Variants in COL26A1 observed in about 807,000 individuals in gnomAD.
COL26A1 encodes the protein collagen type XXVI alpha 1 chain.
A neutral mutation model predicts 59.3 loss-of-function variants in COL26A1; 41 were observed. The observed-to-expected ratio is 0.69, with a 90% CI of 0.54 to 0.90. The LOEUF (loss-of-function observed/expected upper bound fraction) is 0.90, where lower values mean the gene tolerates loss of function less well. COL26A1 is among the 40% of genes least tolerant of loss of function. COL26A1 has a pLI of 0.00. For missense variants in COL26A1, 612 were observed against 602.3 expected, an observed-to-expected ratio of 1.02 and a Z score of -0.17; for synonymous variants, 266 against 256.0, an observed-to-expected ratio of 1.04 and a Z score of -0.37.
chr7:101,393,178 A>G (rs1220662281), intron 1 of COL26A1, among the ~76,000 whole-genome samples: 4 of 151,908 alleles, frequency 2.6e-5, no homozygotes, highest in Admixed American at 6.6e-5. Context: ...ATTCTTTTGT[A>G]ATTTTAGTAC....
chr7:101,398,947 G>C (rs1002209729), intron 1 of COL26A1, among the ~76,000 whole-genome samples: 1 of 152,120 alleles, frequency 6.6e-6, no homozygotes, highest in Admixed American at 6.6e-5. Flanking sequence ...GTGAGCCCCT[G>C]GGTGGGCTGC....
At chr7:101,492,917 G>A (rs1297231955) in intron 3 of COL26A1, among the ~76,000 whole-genome samples, 1 of 151,326 alleles carries the variant, frequency 6.6e-6, no homozygotes, top group Admixed American at 6.6e-5. Context: ...TTTTTGATAG[G>A]GGTCTTGCTG....
At chr7:101,394,069 C>T (rs112540283) in intron 1 of COL26A1, among the ~76,000 whole-genome samples, 188 of 151,864 alleles carry the variant, frequency 1.2e-3, no homozygotes, top group African/African-American at 4.0e-3. Context: ...TGAGCCACTG[C>T]GCCTGGCTGG....
At chr7:101,545,698 G>A (rs1795721936) in intron 7 of COL26A1, among the ~76,000 whole-genome samples, 1 of 152,216 alleles carries the variant, frequency 6.6e-6, no homozygotes, top group South Asian at 2.1e-4. Flanking sequence ...AACAGCTTGG[G>A]AGCAAGGCTT....
chr7:101,366,969 T>C (rs935707749), intron 1 of COL26A1, among the ~76,000 whole-genome samples: 17 of 152,224 alleles, frequency 1.1e-4, no homozygotes, highest in African/African-American at 4.1e-4. Flanking sequence ...TTCTCTGCGA[T>C]GTCCACGTAC....
Position 101,530,566 on chromosome 7 carries a change from T to TAAAAA in COL26A1, c.386-2495_386-2491dup, listed in dbSNP as rs558473831. On this transcript the variant is annotated intron_variant, in intron 3 of 12. Transcript: ENST00000313669. ...GGTGACAAGAGTGAGACTCTGTCTT[T>TAAAAA]AAAAAAAAAAAAAAAAAAAAAAAAA... Among the ~76,000 whole-genome samples the TAAAAA allele has an allele frequency of 7.9e-3, 709 of 90,204 alleles. 10 individuals are homozygous for TAAAAA. The highest frequency in any genetic ancestry group is 0.014 in the Middle Eastern group (2 of 144). 59.2% of individuals were successfully genotyped at this position (90,204 alleles called of 152,430 possible).
At chr7:101,446,991 C>A (rs1793213399) in intron 2 of COL26A1, among the ~76,000 whole-genome samples, 1 of 151,880 alleles carries the variant, frequency 6.6e-6, no homozygotes, top group Admixed American at 6.6e-5. Context: ...TGGGTAGAGG[C>A]TCGGAAGTTG....
In COL26A1 at chr7:101,387,765, TATATATATA is replaced by T. The variant is rs1231725715; in HGVS notation, c.158+24576_158+24584del. Among the ~76,000 whole-genome samples the T allele has an allele frequency of 8.5e-3, 416 of 49,086 alleles. 2 individuals carry two copies. Among genetic ancestry groups the T allele is most frequent in the South Asian group, 0.033 (44 of 1,316 alleles). 32.2% of individuals were successfully genotyped at this position (49,086 alleles called of 152,430 possible). On this transcript the variant is annotated intron_variant, in intron 1 of 12. Transcript: ENST00000313669. ...ATATATATATATATTTATATATATA[TATATATATA>T]TATATTTTTTTTTAAGACAGAGTCT...
chr7:101,496,737 A>T (rs4568541), intron 3 of COL26A1, among the ~76,000 whole-genome samples: 150,605 of 152,178 alleles, frequency 0.99, 74,526 homozygotes, highest in Middle Eastern at 1. Context: ...AATACAAAAA[A>T]TTCCCAGGCG....
intron 1 of COL26A1, among the ~76,000 whole-genome samples, chr7:101,397,585 G>A (rs1331201595): frequency 7.1e-6 from 1 of 141,202 alleles, no homozygotes; most frequent in Non-Finnish European, 1.5e-5. Context: ...CACCCAGGGT[G>A]ATGTGCAATG....
chr7:101,404,009 G>T (rs374689488), intron 1 of COL26A1, among the ~76,000 whole-genome samples: 134 of 152,188 alleles, frequency 8.8e-4, no homozygotes, highest in African/African-American at 3.0e-3. Context: ...CAGGAGAATC[G>T]CTTGAACCAG....
At chr7:101,393,733 C>T (rs963013540) in intron 1 of COL26A1, among the ~76,000 whole-genome samples, 1 of 151,908 alleles carries the variant, frequency 6.6e-6, no homozygotes, top group African/African-American at 2.4e-5. Context: ...AGGTGTGAGC[C>T]ACTGTGCCTG....
chr7:101,545,395 C>T lies in COL26A1; in HGVS notation c.761C>T (p.Pro254Leu), dbSNP rs1226368635. 1.2e-6 allele frequency: 2 copies of T among 1,602,670 alleles called. No homozygotes were observed. Among genetic ancestry groups the T allele is most frequent in the African/African-American group, 1.3e-5 (1 of 74,350 alleles). The part of the protein sequence containing the change: ...GLPGEMGRPG[P>L]PGPPGPAGNP... The stretch of plus-strand genomic sequence containing the variant: ...CCTGGAGAGATGGGGCGCCCCGGCC[C>T]CCCAGGACCACCCGGCCCAGCAGGC... The change falls in exon 7 of 13, where the codon CCC becomes CTC. Residue 254 changes from proline (P) to leucine (L), a missense_variant. Transcript: ENST00000313669.
At chr7:101,392,856 C>T (rs566237819) in intron 1 of COL26A1, among the ~76,000 whole-genome samples, 6 of 152,174 alleles carry the variant, frequency 3.9e-5, no homozygotes, top group African/African-American at 9.6e-5. Context: ...GGGCTTGCCA[C>T]GGGTGGGACG....
At chr7:101,473,988 G>A (rs867944954) in intron 3 of COL26A1, among the ~76,000 whole-genome samples, 1 of 152,274 alleles carries the variant, frequency 6.6e-6, no homozygotes, top group African/African-American at 2.4e-5. Flanking sequence ...GGAAAGTAGA[G>A]AGGCTGCTTG....
rs760063754 is a variant in COL26A1 at position 101,557,509 on chromosome 7, C to T, written c.1305C>T (p.Asp435=). Residue 435 remains aspartate, a synonymous_variant, in exon 13 of 13, where the codon GAC becomes GAT. Transcript: ENST00000313669. ...CCGACCCTGGACAGAAGAGCGTGGA[C>T]CAGGCCAGCAGCAGGAAGTGAGAGC... is the stretch of plus-strand genomic sequence containing the variant. ...LGPDPGQKSV[D]QASSRK 1.9e-6 allele frequency: 3 copies of T among 1,610,752 alleles called. No homozygotes were observed. The highest frequency in any genetic ancestry group is 1.7e-4 in the Middle Eastern group (1 of 6,036).
chr7:101,432,344 G>C (rs1374668508), intron 2 of COL26A1, among the ~76,000 whole-genome samples: 1 of 152,156 alleles, frequency 6.6e-6, no homozygotes, highest in Non-Finnish European at 1.5e-5. Context: ...GCTCATGCTA[G>C]GGGGATATCT....
intron 2 of COL26A1, among the ~76,000 whole-genome samples, chr7:101,422,841 A>C (rs1469020178): frequency 1.3e-5 from 2 of 152,080 alleles, no homozygotes; most frequent in Non-Finnish European, 1.5e-5. Context: ...GGGTCTCGCC[A>C]TGTTGCCCAG....
chr7:101,403,286 C>G (rs1191063847), intron 1 of COL26A1, among the ~76,000 whole-genome samples: 1 of 152,098 alleles, frequency 6.6e-6, no homozygotes, highest in African/African-American at 2.4e-5. Context: ...TGGGGGCCTT[C>G]TTGTGTGTCC....
Sources: allele counts gnomAD v4.1 joint callset (sites outside exome capture counted in the v4.1 genomes callset), GRCh38; gene constraint gnomAD v4.1.1; transcripts MANE v1.5; gene names NCBI Gene and HGNC (gene_info 2026-07-23, HGNC 2026-07-21).